The following TAFA4 variants were observed in gnomAD, a reference collection of about 807,000 sequenced individuals.
TAFA4 encodes chemokine-like protein TAFA-4.
A neutral mutation model predicts 21.1 loss-of-function variants in TAFA4; 20 were observed. The observed-to-expected ratio is 0.95, with a 90% CI of 0.67 to 1.38. The LOEUF (loss-of-function observed/expected upper bound fraction) is 1.38. TAFA4 is among the 40% of genes most tolerant of loss of function. The pLI, the probability that TAFA4 is intolerant of heterozygous loss-of-function variation, is 0.00. For synonymous variants in TAFA4, 71 were observed against 67.4 expected (o/e 1.05, Z -0.26); for missense variants, 211 against 180.9 (o/e 1.17, Z -0.95).
At chr3:68,897,836 C>T (rs927711744) in intron 1 of TAFA4, among the ~76,000 whole-genome samples, 8 of 151,546 alleles carry the variant, frequency 5.3e-5, no homozygotes, top group African/African-American at 1.9e-4. Context: ...CAGAACAAAA[C>T]TCAACACTTC....
chr3:68,875,181 C>G (rs1055571170), intron 3 of TAFA4, among the ~76,000 whole-genome samples: 5 of 152,060 alleles, frequency 3.3e-5, no homozygotes, highest in Non-Finnish European at 4.4e-5. Context: ...GAGACATCAC[C>G]ACCCACATCA....
chr3:68,784,851 C>G (rs566509598), intron 3 of TAFA4, among the ~76,000 whole-genome samples: 1 of 152,068 alleles, frequency 6.6e-6, no homozygotes, highest in Admixed American at 6.5e-5. Context: ...AGGTTCTCCA[C>G]GTCCCCACCA....
At chr3:68,931,276 G>C (rs962494643) in intron 1 of TAFA4, among the ~76,000 whole-genome samples, 4 of 152,150 alleles carry the variant, frequency 2.6e-5, no homozygotes, top group African/African-American at 9.7e-5. Context: ...ACCAAAGGGG[G>C]GTCCCTGAAT....
chr3:68,758,053 C>T (rs1028299219), intron 3 of TAFA4, among the ~76,000 whole-genome samples: 9 of 152,062 alleles, frequency 5.9e-5, no homozygotes, highest in Non-Finnish European at 5.9e-5. Flanking sequence ...GGCCTCATAA[C>T]TAGAGATTGA....
At chr3:68,930,589 T>G (rs1284195254) in intron 1 of TAFA4, among the ~76,000 whole-genome samples, 2 of 152,158 alleles carry the variant, frequency 1.3e-5, no homozygotes, top group Admixed American at 6.5e-5. Context: ...TATGAGAATA[T>G]TGATTAAGAA....
chr3:68,742,476 C>T (rs186508612), intron 4 of TAFA4, among the ~76,000 whole-genome samples: 1 of 152,258 alleles, frequency 6.6e-6, no homozygotes, highest in East Asian at 1.9e-4. Context: ...TTTACAAATC[C>T]TAACAGCTAC....
At chr3:68,804,480 C>T (rs1427089790) in intron 3 of TAFA4, among the ~76,000 whole-genome samples, 1 of 152,094 alleles carries the variant, frequency 6.6e-6, no homozygotes, top group Non-Finnish European at 1.5e-5. Context: ...AAAAAAGAGC[C>T]CACACTGCCA....
At chr3:68,795,359 C>A (rs1411522426) in intron 3 of TAFA4, among the ~76,000 whole-genome samples, 1 of 151,926 alleles carries the variant, frequency 6.6e-6, no homozygotes, top group Admixed American at 6.6e-5. Flanking sequence ...TTCCCCCATT[C>A]TCAATCTTCT....
chr3:68,909,380 G>A (rs1336805465), intron 1 of TAFA4, among the ~76,000 whole-genome samples: 1 of 152,152 alleles, frequency 6.6e-6, no homozygotes, highest in Non-Finnish European at 1.5e-5. Flanking sequence ...ATGAGGGCAG[G>A]ACCTGTCGTC....
chr3:68,842,937 G>T (rs976473955), intron 3 of TAFA4, among the ~76,000 whole-genome samples: 1 of 152,188 alleles, frequency 6.6e-6, no homozygotes, highest in Non-Finnish European at 1.5e-5. Context: ...GGTTACTGTA[G>T]CCTTGGAGTG....
At chr3:68,916,401 G>A (rs7609906) in intron 1 of TAFA4, among the ~76,000 whole-genome samples, 35,466 of 151,990 alleles carry the variant, frequency 0.23, 4,236 homozygotes, top group Middle Eastern at 0.32. Flanking sequence ...CTCAGTATCT[G>A]TCTTCGTAGT....
At chr3:68,734,080 C>A (rs939578630) in intron 5 of TAFA4, among the ~76,000 whole-genome samples, 31 of 152,182 alleles carry the variant, frequency 2.0e-4, no homozygotes, top group African/African-American at 5.5e-4. Context: ...CTACTTAACT[C>A]TGCCTTTATT....
chr3:68,736,772 T>A (rs576062912), intron 5 of TAFA4, among the ~76,000 whole-genome samples: 1 of 152,128 alleles, frequency 6.6e-6, no homozygotes, highest in Non-Finnish European at 1.5e-5. Context: ...ATAAGATCCA[T>A]AAAAGACATA....
intron 5 of TAFA4, among the ~76,000 whole-genome samples, chr3:68,738,285 T>A (rs915032076): frequency 2.0e-5 from 3 of 152,138 alleles, no homozygotes; most frequent in African/African-American, 7.2e-5. Context: ...GCGGAGGTGG[T>A]TTGGCCATGT....
At chr3:68,910,786 T>C (rs1410919154) in intron 1 of TAFA4, among the ~76,000 whole-genome samples, 1 of 152,224 alleles carries the variant, frequency 6.6e-6, no homozygotes, top group African/African-American at 2.4e-5. Flanking sequence ...ATTCTGACTA[T>C]ATACGATTTT....
intron 3 of TAFA4, among the ~76,000 whole-genome samples, chr3:68,830,103 G>A (rs559063667): frequency 5.9e-5 from 9 of 151,854 alleles, no homozygotes; most frequent in Non-Finnish European, 8.8e-5. Flanking sequence ...TCTTGCTAAC[G>A]GTCTATCAAT....
intron 1 of TAFA4, among the ~76,000 whole-genome samples, chr3:68,887,768 C>T (rs900313870): frequency 6.6e-6 from 1 of 152,082 alleles, no homozygotes; most frequent in Non-Finnish European, 1.5e-5. Flanking sequence ...ATGCTGAGGT[C>T]CCACAGGTAC....
intron 3 of TAFA4, among the ~76,000 whole-genome samples, chr3:68,865,287 C>G (rs1291309902): frequency 6.6e-6 from 1 of 151,892 alleles, no homozygotes; most frequent in Non-Finnish European, 1.5e-5. Context: ...TCTTTAAACA[C>G]TGGCTTTCTC....
chr3:68,867,497 C>G (rs1387265068), intron 3 of TAFA4, among the ~76,000 whole-genome samples: 1 of 152,076 alleles, frequency 6.6e-6, no homozygotes, highest in African/African-American at 2.4e-5. Context: ...AGGTAACAAA[C>G]TAACTGCTAA....
Sources: gnomAD v4.1 joint callset for allele counts (sites outside exome capture counted in the v4.1 genomes callset) on GRCh38, gnomAD v4.1.1 for gene constraint, MANE v1.5 for transcripts, NCBI Gene and HGNC (gene_info 2026-07-23, HGNC 2026-07-21) for gene names.